The following SEMA6D variants were observed in gnomAD, a reference collection of about 807,000 sequenced individuals.
SEMA6D encodes the protein semaphorin 6D, also known as semaphorin-6D.
SEMA6D carries 35 observed loss-of-function variants against 106.6 expected under a neutral mutation model. That is an observed-to-expected ratio of 0.33 (90% CI 0.25 to 0.44). The LOEUF (loss-of-function observed/expected upper bound fraction) is 0.44. Ranked by LOEUF, SEMA6D falls within the 20% of genes least tolerant of loss-of-function variation. The pLI is 1.00. For synonymous variants in SEMA6D, 499 were observed against 487.7 expected (o/e 1.02, Z -0.31); for missense variants, 1,185 against 1,345.9 (o/e 0.88, Z 1.87).
chr15:47,617,344 C>T (rs1011727393), intron 4 of SEMA6D, among the ~76,000 whole-genome samples: 2 of 152,162 alleles, frequency 1.3e-5, no homozygotes, highest in South Asian at 2.1e-4. Context: ...AAGGGGACTA[C>T]GAAAAGTAGT....
rs562555317 is a variant in SEMA6D, at chr15:47,762,437, G to C, written c.658+118G>C. On this transcript the variant is annotated intron_variant, in intron 8 of 18. Coordinates refer to ENST00000536845, the MANE Select transcript of SEMA6D (RefSeq NM_001358351.3). ...ACTTTATATTGTTTATTTAGAACAA[G>C]TACACACTGCTTTGATTGTGAACAG... 34 of 1,135,688 alleles carry C rather than the reference G, an allele frequency of 3.0e-5. No individual in the cohort carries two copies. In the East Asian group the frequency reaches 7.4e-4, roughly 25 times the overall value. 70.4% of individuals were successfully genotyped at this position (1,135,688 alleles called of 1,614,324 possible).
intron 4 of SEMA6D, among the ~76,000 whole-genome samples, chr15:47,626,485 C>T (rs183729612): frequency 6.6e-6 from 1 of 152,212 alleles, no homozygotes; most frequent in Admixed American, 6.6e-5. Context: ...CATTGGCTTC[C>T]CAAAGACTTG....
chr15:47,569,631 T>C (rs1251966393), intron 3 of SEMA6D, among the ~76,000 whole-genome samples: 1 of 152,070 alleles, frequency 6.6e-6, no homozygotes, highest in East Asian at 1.9e-4. Flanking sequence ...GGAACTTCAC[T>C]TACCCAGGAC....
At chr15:47,441,211 C>T (rs2041872155) in intron 2 of SEMA6D, among the ~76,000 whole-genome samples, 1 of 152,016 alleles carries the variant, frequency 6.6e-6, no homozygotes, top group South Asian at 2.1e-4. Flanking sequence ...ACAAGTGTTG[C>T]CAGTTCCTGA....
At chr15:47,584,798 T>G (rs1188779227) in intron 3 of SEMA6D, among the ~76,000 whole-genome samples, 1 of 152,150 alleles carries the variant, frequency 6.6e-6, no homozygotes, top group African/African-American at 2.4e-5. Context: ...GAAGAGAATT[T>G]TTTCATTCAT....
intron 3 of SEMA6D, among the ~76,000 whole-genome samples, chr15:47,573,431 T>G (rs1566901534): frequency 6.6e-6 from 1 of 152,204 alleles, no homozygotes; most frequent in East Asian, 1.9e-4. Flanking sequence ...ATGACAAACT[T>G]CCGTTGAATT....
intron 3 of SEMA6D, among the ~76,000 whole-genome samples, chr15:47,470,696 C>T (rs1414769508): frequency 6.6e-6 from 1 of 152,098 alleles, no homozygotes; most frequent in East Asian, 1.9e-4. Context: ...ACGAGCTTGA[C>T]TAAGTGGTCA....
chr15:47,302,011 GCAA>G (rs2036043113), intron 1 of SEMA6D, among the ~76,000 whole-genome samples: 1 of 152,148 alleles, frequency 6.6e-6, no homozygotes. Context: ...CACAAAAACA[GCAA>G]CAACAGTAAC....
chr15:47,215,917 G>C (rs1301877701), intron 1 of SEMA6D, among the ~76,000 whole-genome samples: 1 of 121,704 alleles, frequency 8.2e-6, no homozygotes, highest in Non-Finnish European at 1.7e-5. Flanking sequence ...ACAAAGCTGT[G>C]GTCAAAGACA....
At chr15:47,233,306 A>T (rs2032332881) in intron 1 of SEMA6D, among the ~76,000 whole-genome samples, 1 of 151,994 alleles carries the variant, frequency 6.6e-6, no homozygotes, top group African/African-American at 2.4e-5. Flanking sequence ...GTCTGCTTTT[A>T]TGCCTATATC....
chr15:47,552,807 A>ATATTT (rs2045751223), intron 3 of SEMA6D, among the ~76,000 whole-genome samples: 1 of 13,062 alleles, frequency 7.7e-5, no homozygotes. Context: ...TATATATAAA[A>ATATTT]ATATATATAA....
At chr15:47,382,455 T>C (rs281263) in intron 1 of SEMA6D, among the ~76,000 whole-genome samples, 148,438 of 152,124 alleles carry the variant, frequency 0.98, 72,533 homozygotes, top group East Asian at 1. Flanking sequence ...TGCAGTGAGC[T>C]GAGACTGCAC....
intron 3 of SEMA6D, among the ~76,000 whole-genome samples, chr15:47,594,661 C>T (rs1350993745): frequency 6.6e-6 from 1 of 152,126 alleles, no homozygotes; most frequent in South Asian, 2.1e-4. Context: ...TTCCAATAAG[C>T]TCCCAGTCTA....
Position 47,771,610 on chromosome 15 carries a change from C to T in SEMA6D, c.3047C>T (p.Pro1016Leu). 6.2e-7 allele frequency: 1 copy of T among 1,614,076 alleles called. No individual in the cohort carries two copies. The highest frequency in any genetic ancestry group is 8.5e-7 in the Non-Finnish European group (1 of 1,179,966). ...AAGGTGGACTATATTCAGGGAACAC[C>T]AGTGAGTGTTCATCTGCAGCCTTCC... Reference protein sequence around the residue: ...GAKVDYIQGTPVSVHLQPSLS... With the variant: ...GAKVDYIQGTLVSVHLQPSLS... The change falls in exon 19 of 19, where the codon CCA (proline) becomes CTA (leucine). Residue 1016 changes from proline to leucine, a missense_variant. Physicochemically the swap from Pro to Leu is moderately conservative, Grantham distance 98. This residue lies in a region of SEMA6D where 750 missense variants were observed against 783.5 expected (regional missense o/e 0.96). Coordinates refer to ENST00000536845, the MANE Select transcript of SEMA6D (RefSeq NM_001358351.3).
At chr15:47,374,168 A>G (rs950598356) in intron 1 of SEMA6D, among the ~76,000 whole-genome samples, 1 of 152,198 alleles carries the variant, frequency 6.6e-6, no homozygotes, top group Non-Finnish European at 1.5e-5. Flanking sequence ...ACTTCTCTGT[A>G]TTATCCATAA....
At chr15:47,645,236 A>T (rs568655212) in intron 4 of SEMA6D, among the ~76,000 whole-genome samples, 1 of 152,326 alleles carries the variant, frequency 6.6e-6, no homozygotes, top group African/African-American at 2.4e-5. Flanking sequence ...TTAAGGAAAC[A>T]GTCAAGTTGT....
At chr15:47,531,598 G>A (rs1282798300) in intron 3 of SEMA6D, among the ~76,000 whole-genome samples, 1 of 152,192 alleles carries the variant, frequency 6.6e-6, no homozygotes, top group African/African-American at 2.4e-5. Context: ...CAATGATTTA[G>A]TTGGCACTTA....
At chr15:47,726,121 C>T (rs1315926019) in intron 1 of SEMA6D, among the ~76,000 whole-genome samples, 1 of 152,252 alleles carries the variant, frequency 6.6e-6, no homozygotes, top group African/African-American at 2.4e-5. Flanking sequence ...CCTCCCCCTG[C>T]GCAGAGCACA....
At chr15:47,607,729 T>C (rs575444084) in intron 4 of SEMA6D, among the ~76,000 whole-genome samples, 1 of 152,248 alleles carries the variant, frequency 6.6e-6, no homozygotes, top group Non-Finnish European at 1.5e-5. Context: ...CCATGAAATA[T>C]GGGCTTGTAG....
Sources: allele counts gnomAD v4.1 joint callset (sites outside exome capture counted in the v4.1 genomes callset), GRCh38; gene constraint gnomAD v4.1.1; regional missense constraint gnomAD v4.1.1; transcripts MANE v1.5; gene names NCBI Gene and HGNC (gene_info 2026-07-23, HGNC 2026-07-21).